Variants in EFNB2 observed in about 807,000 individuals in gnomAD.
EFNB2 encodes ephrin B2, also known as ephrin-B2.
Under a neutral mutation model 32.1 loss-of-function variants are expected in EFNB2, and 5 were observed. The ratio of observed to expected loss-of-function variants is 0.16; its 90% CI spans 0.08 to 0.33. The LOEUF (loss-of-function observed/expected upper bound fraction) is 0.33, where lower values mean the gene tolerates loss of function less well. Ranked by LOEUF, EFNB2 falls within the 10% of genes least tolerant of loss-of-function variation. The probability of loss-of-function intolerance (pLI) is 1.00; values close to 1 mark genes in which losing one functional copy is unlikely to be tolerated. For missense variants in EFNB2, 263 were observed against 422.6 expected, an observed-to-expected ratio of 0.62 and a Z score of 3.31; for synonymous variants, 168 against 166.5, an observed-to-expected ratio of 1.01 and a Z score of -0.07.
At chr13:106,533,255 C>T (rs1224890711) in intron 1 of EFNB2, among the ~76,000 whole-genome samples, 1 of 150,794 alleles carries the variant, frequency 6.6e-6, no homozygotes, top group Non-Finnish European at 1.5e-5. Flanking sequence ...GCCGCGGGCT[C>T]CCCGCGACCG....
chr13:106,515,093 C>T (rs1879269233), intron 1 of EFNB2, among the ~76,000 whole-genome samples: 3 of 152,040 alleles, frequency 2.0e-5, no homozygotes, highest in Admixed American at 2.0e-4. Flanking sequence ...CCTCCCAGGC[C>T]ATGCAAGTCA....
At chr13:106,532,407 G>C (rs1475517148) in intron 1 of EFNB2, among the ~76,000 whole-genome samples, 2 of 152,180 alleles carry the variant, frequency 1.3e-5, no homozygotes, top group Non-Finnish European at 2.9e-5. Flanking sequence ...ACAGTTCATA[G>C]GAACTGATGT....
intron 1 of EFNB2, among the ~76,000 whole-genome samples, chr13:106,533,453 T>G (rs1418123828): frequency 6.6e-6 from 1 of 152,238 alleles, no homozygotes; most frequent in Admixed American, 6.5e-5. Context: ...GCAGACTACA[T>G]GGAAGGAGGC....
chr13:106,521,115 T>C (rs2391338), intron 1 of EFNB2: 41,767 of 151,454 alleles, frequency 0.28, 6,916 homozygotes, highest in East Asian at 0.52. Context: ...AAAACAAATA[T>C]CGTCTGCAAC....
At chr13:106,496,316 G>A (rs2138900469) in intron 2 of EFNB2, among the ~76,000 whole-genome samples, 1 of 152,308 alleles carries the variant, frequency 6.6e-6, no homozygotes, top group Middle Eastern at 3.4e-3. Context: ...TCCAAGTTCT[G>A]TAAACACTAG....
intron 1 of EFNB2, among the ~76,000 whole-genome samples, chr13:106,527,090 G>A (rs1879724737): frequency 6.6e-6 from 1 of 152,168 alleles, no homozygotes; most frequent in Admixed American, 6.5e-5. Flanking sequence ...AGTCTGGGTA[G>A]CACTCATAAT....
chr13:106,507,109 G>T (rs1878978411), intron 2 of EFNB2, among the ~76,000 whole-genome samples: 1 of 152,154 alleles, frequency 6.6e-6, no homozygotes, highest in Admixed American at 6.6e-5. Context: ...CAGCCATTAT[G>T]CACAAGGTAT....
rs1878401848 is a variant in EFNB2 at position 106,491,407 on chromosome 13, T to C, written c.*1633A>G. 1 of 152,636 alleles carries C rather than the reference T, an allele frequency of 6.6e-6. No individual in the cohort carries two copies. The highest frequency in any genetic ancestry group is 2.1e-4 in the South Asian group (1 of 4,832). 9.5% of individuals were successfully genotyped at this position (152,636 alleles called of 1,614,324 possible). A position where few individuals can be genotyped will look rare whatever the true frequency, so the allele number is the denominator to read the frequency against. On this transcript the variant is annotated 3_prime_UTR_variant, in exon 5 of 5. Coordinates refer to ENST00000646441, the MANE Select transcript of EFNB2 (RefSeq NM_004093.4). ...AATTTGTTTTTTTAAGCGCTGAGCA[T>C]TGGGACCACTTAATTGCCACAAATG...
chr13:106,498,809 A>C (rs1041093673), intron 2 of EFNB2, among the ~76,000 whole-genome samples: 4 of 152,194 alleles, frequency 2.6e-5, no homozygotes, highest in Non-Finnish European at 5.9e-5. Flanking sequence ...TGGGGAGCAA[A>C]AGTGGGCTGA....
At chr13:106,508,973 G>T (rs551648732) in intron 2 of EFNB2, among the ~76,000 whole-genome samples, 4 of 152,286 alleles carry the variant, frequency 2.6e-5, no homozygotes, top group African/African-American at 7.2e-5. Flanking sequence ...TGTTTTTAAA[G>T]AATTTACAGA....
intron 1 of EFNB2, chr13:106,521,472 G>A (rs1879517221): frequency 6.6e-6 from 1 of 152,138 alleles, no homozygotes; most frequent in Non-Finnish European, 1.5e-5. Context: ...AGAGCTAGAG[G>A]GCCCCCAGTT....
chr13:106,507,710 T>C (rs187048328), intron 2 of EFNB2, among the ~76,000 whole-genome samples: 1 of 152,302 alleles, frequency 6.6e-6, no homozygotes, highest in East Asian at 1.9e-4. Context: ...TTGTTCAGTG[T>C]TCCTTAAGGA....
At chr13:106,494,373 G>A (rs1321894597) in intron 4 of EFNB2, among the ~76,000 whole-genome samples, 7 of 152,116 alleles carry the variant, frequency 4.6e-5, no homozygotes, top group Non-Finnish European at 1.0e-4. Flanking sequence ...TTTTGTCAGG[G>A]ACCTGTTTAA....
chr13:106,528,480 AAAC>A (rs1041659594), intron 1 of EFNB2, among the ~76,000 whole-genome samples: 40 of 148,350 alleles, frequency 2.7e-4, no homozygotes, highest in Non-Finnish European at 3.7e-4. Context: ...TAAAAAAAAA[AAAC>A]AACAACAACA....
At chr13:106,532,435 G>A (rs1255997796) in intron 1 of EFNB2, among the ~76,000 whole-genome samples, 1 of 152,048 alleles carries the variant, frequency 6.6e-6, no homozygotes, top group Non-Finnish European at 1.5e-5. Flanking sequence ...CAATGCATTT[G>A]ATTACCTTCC....
chr13:106,492,916 G>T lies in EFNB2; in HGVS notation c.*124C>A. On this transcript the variant is annotated 3_prime_UTR_variant, in exon 5 of 5. Coordinates refer to ENST00000646441, the MANE Select transcript of EFNB2 (RefSeq NM_004093.4). The surrounding 1 kb of genome is among the most constrained non-coding windows in gnomAD (Gnocchi z 5.1). ...GCGCGACGGGCTCTTCCGAGGAGGA[G>T]TGTCCCTCTCCCCCGGTGCTGTGCT... 1 of 1,314,236 alleles carries T rather than the reference G, an allele frequency of 7.6e-7. No homozygotes were observed. Among genetic ancestry groups the T allele is most frequent in the Non-Finnish European group, 1.0e-6 (1 of 966,828 alleles). 81.4% of individuals were successfully genotyped at this position (1,314,236 alleles called of 1,614,324 possible).
At chr13:106,515,136 C>T (rs766251586) in intron 1 of EFNB2, among the ~76,000 whole-genome samples, 5 of 152,122 alleles carry the variant, frequency 3.3e-5, no homozygotes, top group Non-Finnish European at 5.9e-5. Context: ...ACCGTCTCAG[C>T]GACAGGTCTT....
intron 1 of EFNB2, among the ~76,000 whole-genome samples, chr13:106,529,067 T>C (rs944150448): frequency 2.6e-5 from 4 of 152,216 alleles, no homozygotes; most frequent in Non-Finnish European, 5.9e-5. Context: ...TATCTTTTTT[T>C]CCAGGGTGGG....
rs1055225956 is a variant in EFNB2 at position 106,493,915 on chromosome 13, G to A, written c.614-487C>T. On this transcript the variant is annotated intron_variant, in intron 4 of 4. Transcript: ENST00000646441. This position sits in a 1 kb window ranked among gnomAD's most constrained non-coding sequence, Gnocchi z 6.1. ...GCAGAACAGAACAGCTCGGGAACGCGGAAGGAGTGAGGGGGCCTGGGAAAA... is the reference window on the plus strand; with the variant it reads ...GCAGAACAGAACAGCTCGGGAACGCAGAAGGAGTGAGGGGGCCTGGGAAAA... Among the ~76,000 whole-genome samples the A allele has an allele frequency of 4.6e-5, 7 of 152,214 alleles. No individual in the cohort carries two copies. The highest frequency in any genetic ancestry group is 1.2e-4 in the African/African-American group (5 of 41,450).
Sources: allele counts gnomAD v4.1 joint callset (sites outside exome capture counted in the v4.1 genomes callset), GRCh38; gene constraint gnomAD v4.1.1; non-coding constraint Gnocchi (gnomAD v3.1); transcripts MANE v1.5; gene names NCBI Gene and HGNC (gene_info 2026-07-23, HGNC 2026-07-21).